PTPRT: variants seen among roughly 807,000 people sequenced by gnomAD.
PTPRT encodes the protein receptor-type tyrosine-protein phosphatase T.
PTPRT carries 56 observed loss-of-function variants against 176.8 expected under a neutral mutation model. The observed-to-expected ratio is 0.32, with a 90% CI of 0.26 to 0.40. The LOEUF (loss-of-function observed/expected upper bound fraction) is 0.40, where lower values mean the gene tolerates loss of function less well. PTPRT is among the 10% of genes least tolerant of loss of function. The pLI is 1.00. For synonymous variants in PTPRT, 783 were observed against 739.0 expected (o/e 1.06, Z -0.96); for missense variants, 1,540 against 1,908.2 (o/e 0.81, Z 3.60).
intron 2 of PTPRT, among the ~76,000 whole-genome samples, chr20:42,831,338 A>C (rs568774975): frequency 1.8e-4 from 27 of 152,320 alleles, no homozygotes; most frequent in African/African-American, 6.5e-4. Context: ...TAGAAGATTG[A>C]AACTGGACCA....
intron 7 of PTPRT, among the ~76,000 whole-genome samples, chr20:42,574,318 C>T (rs6102913): frequency 0.53 from 80,304 of 151,840 alleles, 21,548 homozygotes; most frequent in East Asian, 0.66. Context: ...GTATTGGAGA[C>T]GTAACTGTAC....
At chr20:42,558,439 A>G (rs1211049220) in intron 7 of PTPRT, among the ~76,000 whole-genome samples, 1 of 152,114 alleles carries the variant, frequency 6.6e-6, no homozygotes, top group Non-Finnish European at 1.5e-5. Context: ...ATACACATGT[A>G]TGTGTGTTTA....
chr20:42,144,898 G>C (rs1163251372), intron 17 of PTPRT, among the ~76,000 whole-genome samples: 2 of 152,168 alleles, frequency 1.3e-5, no homozygotes, highest in Non-Finnish European at 1.5e-5. Context: ...AGGTTGATCA[G>C]AAATTCAGCC....
chr20:42,139,345 T>C (rs1193365023), intron 18 of PTPRT, among the ~76,000 whole-genome samples: 1 of 152,150 alleles, frequency 6.6e-6, no homozygotes, highest in Non-Finnish European at 1.5e-5. Context: ...TCCATTTGGG[T>C]TCCTCAGAAG....
intron 2 of PTPRT, among the ~76,000 whole-genome samples, chr20:42,813,261 T>C (rs2077727201): frequency 1.3e-5 from 2 of 152,178 alleles, no homozygotes; most frequent in African/African-American, 4.8e-5. Context: ...TCATATCAAA[T>C]TGTTCTATAG....
At chr20:42,624,005 C>CAAAAAAAAAAAAAAAAAAAAAAAAAA (rs1159094345) in intron 7 of PTPRT, among the ~76,000 whole-genome samples, 23 of 135,700 alleles carry the variant, frequency 1.7e-4, no homozygotes, top group African/African-American at 4.8e-4. Context: ...AAAACAATAG[C>CAAAAAAAAAAAAAAAAAAAAAAAAAA]AACAAACAAA....
At chr20:42,382,394 A>AT (rs1344290348) in intron 9 of PTPRT, among the ~76,000 whole-genome samples, 1 of 152,162 alleles carries the variant, frequency 6.6e-6, no homozygotes, top group East Asian at 1.9e-4. Context: ...TTCTGATCCC[A>AT]GGAGAAATCC....
chr20:42,508,060 G>T (rs888382211), intron 7 of PTPRT, among the ~76,000 whole-genome samples: 1 of 150,762 alleles, frequency 6.6e-6, no homozygotes, highest in East Asian at 1.9e-4. Flanking sequence ...GTATTCCCAG[G>T]CCTGAAATAA....
At chr20:42,413,553 A>G (rs939755805) in intron 9 of PTPRT, among the ~76,000 whole-genome samples, 4 of 152,196 alleles carry the variant, frequency 2.6e-5, no homozygotes. Flanking sequence ...TTGTTACTTG[A>G]GCAGCTCAAT....
the PTPRT span, among the ~76,000 whole-genome samples, chr20:42,054,996 T>A: frequency 6.6e-6 from 1 of 152,154 alleles, no homozygotes; most frequent in South Asian, 2.1e-4. Flanking sequence ...AGACGACGAG[T>A]TAGTGGGTGC....
intron 16 of PTPRT, among the ~76,000 whole-genome samples, chr20:42,182,013 A>G (rs1232794314): frequency 6.6e-6 from 1 of 152,164 alleles, no homozygotes; most frequent in Non-Finnish European, 1.5e-5. Context: ...TGAAATATAG[A>G]GTGGAAGACT....
At chr20:42,638,689 C>T (rs568112286) in intron 7 of PTPRT, among the ~76,000 whole-genome samples, 12 of 151,996 alleles carry the variant, frequency 7.9e-5, no homozygotes, top group African/African-American at 2.2e-4. Context: ...GAATAAGCAC[C>T]GAACCAGTAA....
chr20:42,035,281 A>G, the PTPRT span, among the ~76,000 whole-genome samples: 425 of 152,284 alleles, frequency 2.8e-3, 6 homozygotes, highest in African/African-American at 9.9e-3. Context: ...GAGAGATTAT[A>G]TATTGCAGAA....
In PTPRT at chr20:42,500,603, C is replaced by T. The variant is rs541567902; in HGVS notation, c.1154-28041G>A. 1.4e-4 allele frequency among the ~76,000 whole-genome samples: 22 copies of T among 152,244 alleles called. No individual in the cohort carries two copies. The East Asian group carries it at 4.1e-3, about 28-fold the overall frequency. On this transcript the variant is annotated intron_variant, in intron 7 of 30. Transcript: ENST00000373187. The stretch of plus-strand genomic sequence containing the variant: ...CCTTTAAAAAAATTCTCTGCCCTTA[C>T]TGGCTGTCTTTAACACCAAGTGAAA...
At position 42,282,440 on chromosome 20, in the gene PTPRT, T is replaced by G. The variant is rs1475550214; in HGVS notation, c.2176+49A>C. 3 of 1,547,934 alleles carry G rather than the reference T, an allele frequency of 1.9e-6. No homozygotes were observed. The African/African-American group carries it at 4.1e-5, about 21-fold the overall frequency. ...TCTCTGTGTGGCTAGAAAGAAATACTTAAATGGCTGAAGAACAGGTGAAGA... is the reference window on the plus strand; with the variant it reads ...TCTCTGTGTGGCTAGAAAGAAATACGTAAATGGCTGAAGAACAGGTGAAGA... On this transcript the variant is annotated intron_variant, in intron 13 of 30. Coordinates refer to ENST00000373187, the MANE Select transcript of PTPRT (RefSeq NM_007050.6).
At chr20:42,588,113 G>A (rs963895721) in intron 7 of PTPRT, among the ~76,000 whole-genome samples, 11 of 152,178 alleles carry the variant, frequency 7.2e-5, no homozygotes, top group African/African-American at 2.4e-4. Flanking sequence ...CTATACTGTG[G>A]CCACCAACCA....
intron 9 of PTPRT, among the ~76,000 whole-genome samples, chr20:42,353,286 A>G (rs548341701): frequency 6.6e-6 from 1 of 152,316 alleles, no homozygotes; most frequent in East Asian, 1.9e-4. Flanking sequence ...GCGATTGCTG[A>G]CTGGTGCTTT....
intron 15 of PTPRT, among the ~76,000 whole-genome samples, chr20:42,209,047 C>A (rs1415288306): frequency 6.6e-6 from 1 of 152,188 alleles, no homozygotes; most frequent in Non-Finnish European, 1.5e-5. Flanking sequence ...TGAATGACTA[C>A]TGGGTACATA....
intron 9 of PTPRT, among the ~76,000 whole-genome samples, chr20:42,373,291 C>A (rs2058611022): frequency 6.6e-6 from 1 of 152,208 alleles, no homozygotes; most frequent in African/African-American, 2.4e-5. Context: ...CAAAGAGTGA[C>A]AGCCTTGTAA....
Sources: gnomAD v4.1 joint callset for allele counts (sites outside exome capture counted in the v4.1 genomes callset) on GRCh38, gnomAD v4.1.1 for gene constraint, MANE v1.5 for transcripts, NCBI Gene and HGNC (gene_info 2026-07-23, HGNC 2026-07-21) for gene names.